Variants in SLC2A9 observed in about 807,000 individuals in gnomAD.
The protein encoded by SLC2A9 is solute carrier family 2 member 9, also known as solute carrier family 2, facilitated glucose transporter member 9.
SLC2A9 carries 39 observed loss-of-function variants against 50.6 expected under a neutral mutation model. The observed-to-expected ratio is 0.77, with a 90% CI of 0.60 to 1.01. SLC2A9 has a LOEUF of 1.01. SLC2A9 is among the 50% of genes least tolerant of loss of function. The probability of loss-of-function intolerance (pLI) is 0.00; values close to 1 mark genes in which losing one functional copy is unlikely to be tolerated. For synonymous variants in SLC2A9, 324 were observed against 276.9 expected (o/e 1.17, Z -1.69); for missense variants, 686 against 677.6 (o/e 1.01, Z -0.14).
intron 4 of SLC2A9, among the ~76,000 whole-genome samples, chr4:9,982,381 G>C (rs952425166): frequency 6.6e-6 from 1 of 152,180 alleles, no homozygotes; most frequent in African/African-American, 2.4e-5. Context: ...CGGAAAGACC[G>C]AAGTTTTTTC....
At chr4:9,773,366 T>C (rs79690045) in intron 1 of SLC2A9, among the ~76,000 whole-genome samples, 2 of 152,202 alleles carry the variant, frequency 1.3e-5, no homozygotes, top group African/African-American at 2.4e-5. Context: ...AGAGCTTTCA[T>C]TGCTGTAATA....
downstream of SLC2A9, among the ~76,000 whole-genome samples, chr4:9,795,490 C>T (rs1239091311): frequency 6.6e-6 from 1 of 152,186 alleles, no homozygotes; most frequent in African/African-American, 2.4e-5. Flanking sequence ...CCCCAAGTCC[C>T]CACATTCCCT....
downstream of SLC2A9, among the ~76,000 whole-genome samples, chr4:9,775,183 C>T (rs1717386879): frequency 1.3e-5 from 2 of 152,210 alleles, no homozygotes; most frequent in Admixed American, 1.3e-4. Flanking sequence ...TCTGGGAGCT[C>T]AGTTGTGCTC....
chr4:9,967,365 T>C (rs1316716627), intron 5 of SLC2A9, among the ~76,000 whole-genome samples: 1 of 152,088 alleles, frequency 6.6e-6, no homozygotes, highest in Non-Finnish European at 1.5e-5. Context: ...AATTATGTTA[T>C]GTTGAAACAT....
chr4:9,844,712 C>T (rs1276390063), intron 10 of SLC2A9, among the ~76,000 whole-genome samples: 1 of 152,258 alleles, frequency 6.6e-6, no homozygotes, highest in Admixed American at 6.5e-5. Flanking sequence ...GAGGAACAAT[C>T]TGCTACCTTT....
At chr4:9,884,051 G>A (rs1026223528) in intron 10 of SLC2A9, among the ~76,000 whole-genome samples, 5 of 152,220 alleles carry the variant, frequency 3.3e-5, no homozygotes, top group African/African-American at 1.2e-4. Context: ...CAGCCCAGGA[G>A]GAAACTGGGT....
intron 10 of SLC2A9, among the ~76,000 whole-genome samples, chr4:9,836,305 A>C (rs1256636348): frequency 7.0e-6 from 1 of 142,844 alleles, no homozygotes; most frequent in Non-Finnish European, 1.5e-5. Context: ...ATGGAAATAA[A>C]AAAATAAAAA....
At chr4:10,031,975 G>A (rs1763953285) in intron 1 of SLC2A9, among the ~76,000 whole-genome samples, 1 of 152,226 alleles carries the variant, frequency 6.6e-6, no homozygotes, top group Non-Finnish European at 1.5e-5. Flanking sequence ...AAAGGAGGCA[G>A]CGTGTTTGTT....
intron 2 of SLC2A9, among the ~76,000 whole-genome samples, chr4:10,007,511 G>A (rs1278358236): frequency 6.6e-6 from 1 of 152,226 alleles, no homozygotes; most frequent in Admixed American, 6.5e-5. Flanking sequence ...GCAGCCAAAT[G>A]CTTGGGTTTA....
intron 2 of SLC2A9, among the ~76,000 whole-genome samples, chr4:9,999,299 C>T (rs548989860): frequency 7.2e-4 from 110 of 152,048 alleles, no homozygotes; most frequent in African/African-American, 2.4e-3. Flanking sequence ...TGGGCTCATG[C>T]GATCCTCCCG....
intron 6 of SLC2A9, among the ~76,000 whole-genome samples, chr4:9,936,521 G>A (rs1747112664): frequency 1.3e-5 from 2 of 152,212 alleles, no homozygotes; most frequent in African/African-American, 2.4e-5. Context: ...GGGAAGAAAA[G>A]TGTGTCAACT....
At chr4:9,929,378 G>A (rs1385900167) in intron 6 of SLC2A9, among the ~76,000 whole-genome samples, 1 of 152,344 alleles carries the variant, frequency 6.6e-6, no homozygotes, top group African/African-American at 2.4e-5. Flanking sequence ...GTTCTGCGGG[G>A]CTTCTGAGCA....
intron 1 of SLC2A9, among the ~76,000 whole-genome samples, chr4:10,037,602 T>A (rs1372279976): frequency 6.8e-6 from 1 of 146,560 alleles, no homozygotes; most frequent in Admixed American, 6.9e-5. Flanking sequence ...GTTTAAAAAA[T>A]AAAATGAATG....
At chr4:9,982,877 A>G (rs1756111555) in intron 4 of SLC2A9, among the ~76,000 whole-genome samples, 1 of 152,196 alleles carries the variant, frequency 6.6e-6, no homozygotes. Context: ...TTATTTATGT[A>G]TTTACTTTTG....
intron 8 of SLC2A9, among the ~76,000 whole-genome samples, chr4:9,899,342 C>G (rs1272793338): frequency 6.6e-6 from 1 of 152,252 alleles, no homozygotes; most frequent in Non-Finnish European, 1.5e-5. Context: ...GCAGCTCCCT[C>G]TGCAGAGAAC....
chr4:9,893,550 G>A (rs1225660780), intron 8 of SLC2A9, among the ~76,000 whole-genome samples: 3 of 148,866 alleles, frequency 2.0e-5, no homozygotes, highest in African/African-American at 7.3e-5. Context: ...GGGAGGCAGA[G>A]AGGGACGGAG....
chr4:9,943,859 G>A (rs146343790), intron 5 of SLC2A9, among the ~76,000 whole-genome samples: 61 of 152,244 alleles, frequency 4.0e-4, no homozygotes, highest in African/African-American at 1.5e-3. Context: ...TGCCGGATGT[G>A]ATGTGAGCCC....
chr4:9,981,321 ATAGTGATGGTGTGGTGGTGG>A (rs1755817857), intron 4 of SLC2A9, among the ~76,000 whole-genome samples: 3 of 83,766 alleles, frequency 3.6e-5, no homozygotes, highest in South Asian at 4.2e-4. Flanking sequence ...GATGGTGGTG[ATAGTGATGGTGTGGTGGTGG>A]TGGTGATGGT....
At chr4:9,901,011 T>A (rs1739508033) in intron 8 of SLC2A9, among the ~76,000 whole-genome samples, 1 of 152,202 alleles carries the variant, frequency 6.6e-6, no homozygotes, top group Admixed American at 6.5e-5. Flanking sequence ...GAGTCCACAT[T>A]TCTCTGCCTG....
Sources: allele counts gnomAD v4.1 joint callset (sites outside exome capture counted in the v4.1 genomes callset), GRCh38; gene constraint gnomAD v4.1.1; transcripts MANE v1.5; gene names NCBI Gene and HGNC (gene_info 2026-07-23, HGNC 2026-07-21).